GSDMC: variants seen among roughly 807,000 people sequenced by gnomAD.
GSDMC encodes gasdermin C, also known as gasdermin-C.
In GSDMC, 59 loss-of-function variants were observed where a neutral mutation model predicts 58.0. That is an observed-to-expected ratio of 1.02 (90% CI 0.82 to 1.26). The LOEUF (loss-of-function observed/expected upper bound fraction) is 1.26, where lower values mean the gene tolerates loss of function less well. Ranked by LOEUF, GSDMC falls within the 50% of genes most tolerant of loss-of-function variation. The pLI is 0.00. For missense variants in GSDMC, 659 were observed against 598.5 expected (o/e 1.10, Z -1.06); for synonymous variants, 241 against 220.2 (o/e 1.09, Z -0.83).
At chr8:129,729,889 C>T in the GSDMC span, 1 of 1,139,178 alleles carries the variant, frequency 8.8e-7, no homozygotes, top group East Asian at 2.3e-5. Flanking sequence ...CCCCAACCTA[C>T]TGAGATTAAT....
At chr8:129,749,844 C>T (rs2033101613) in intron 12 of GSDMC, 146 bp downstream of exon 12, 1 of 666,862 alleles carries the variant, frequency 1.5e-6, no homozygotes, top group Non-Finnish European at 2.6e-6. Context: ...CACAGTGAGC[C>T]CTCTGACCTT....
intron 9 of GSDMC, 104 bp from the exon 10 acceptor site, chr8:129,751,672 C>T (rs2130344352): frequency 8.5e-7 from 1 of 1,177,204 alleles, no homozygotes; most frequent in Non-Finnish European, 1.3e-6. Flanking sequence ...CCCTCTTACT[C>T]AACTTCTTCC....
At chr8:129,706,828 C>T in the GSDMC span, among the ~76,000 whole-genome samples, 3 of 152,224 alleles carry the variant, frequency 2.0e-5, no homozygotes, top group Admixed American at 2.0e-4. Flanking sequence ...GTATTTCCCC[C>T]ACCATTAATG....
the GSDMC span, among the ~76,000 whole-genome samples, chr8:129,736,458 T>C: frequency 6.6e-6 from 1 of 152,238 alleles, no homozygotes; most frequent in Non-Finnish European, 1.5e-5. Context: ...CTCAGCTTCA[T>C]CCTTGGGATG....
chr8:129,721,547 C>T, the GSDMC span, among the ~76,000 whole-genome samples: 1 of 152,130 alleles, frequency 6.6e-6, no homozygotes, highest in Non-Finnish European at 1.5e-5. Context: ...TGTATTAGCC[C>T]ATGATCTTCT....
intron 1 of GSDMC, among the ~76,000 whole-genome samples, chr8:129,784,473 A>G (rs760962738): frequency 1.3e-5 from 2 of 152,082 alleles, no homozygotes; most frequent in South Asian, 4.1e-4. Context: ...CATACAAATG[A>G]AAAAAAGGCA....
intron 5 of GSDMC, among the ~76,000 whole-genome samples, chr8:129,761,011 A>G (rs878915093): frequency 6.6e-6 from 1 of 152,180 alleles, no homozygotes; most frequent in Admixed American, 6.5e-5. Flanking sequence ...GAAAGAGCCT[A>G]TGAAGAAGAC....
downstream of GSDMC, among the ~76,000 whole-genome samples, chr8:129,744,029 T>A (rs1335524933): frequency 2.0e-5 from 3 of 151,846 alleles, no homozygotes; most frequent in African/African-American, 7.3e-5. Flanking sequence ...AGGTACCCTA[T>A]GTAAGTTACT....
chr8:129,734,220 G>C, the GSDMC span, among the ~76,000 whole-genome samples: 19,416 of 152,106 alleles, frequency 0.13, 2,166 homozygotes, highest in African/African-American at 0.3. Context: ...GAAAGTGATG[G>C]GGAGAATGGA....
At chr8:129,759,060 G>T (rs1444472328) in intron 6 of GSDMC, among the ~76,000 whole-genome samples, 1 of 151,976 alleles carries the variant, frequency 6.6e-6, no homozygotes, top group African/African-American at 2.4e-5. Flanking sequence ...ACAAATCTAT[G>T]TACCTACAGT....
intron 1 of GSDMC, among the ~76,000 whole-genome samples, chr8:129,778,038 T>A (rs1220619444): frequency 3.3e-5 from 5 of 152,168 alleles, no homozygotes; most frequent in Non-Finnish European, 2.9e-5. Flanking sequence ...GGCTCAATAC[T>A]GTCATCAACT....
At chr8:129,726,764 C>T in the GSDMC span, among the ~76,000 whole-genome samples, 1 of 130,092 alleles carries the variant, frequency 7.7e-6, no homozygotes, top group Admixed American at 7.9e-5. Flanking sequence ...AATCCAGTCC[C>T]TCCCCCCACC....
chr8:129,756,319 A>G (rs2033432947), intron 6 of GSDMC, among the ~76,000 whole-genome samples: 1 of 152,108 alleles, frequency 6.6e-6, no homozygotes, highest in East Asian at 1.9e-4. Flanking sequence ...AATGATGGTA[A>G]ATATATATGC....
Position 129,777,484 on chromosome 8 carries a change from T to G in GSDMC, c.104A>C (p.Gln35Pro), listed in dbSNP as rs1175572380. The G allele has an allele frequency of 3.1e-6, 5 of 1,612,706 alleles. No individual in the cohort carries two copies. The highest frequency in any genetic ancestry group is 3.4e-6 in the Non-Finnish European group (4 of 1,178,702). ...CTTCTTCTTTCGTAATATAACAAAC[T>G]GACGTAATTTGGTGGCACTCAATAG... is the stretch of plus-strand genomic sequence containing the variant. The part of the protein sequence containing the change: ...KYLLSATKLR[Q>P]FVILRKKKDS... Residue 35 changes from glutamine (Q) to proline (P), a missense_variant, in exon 2 of 14, where the codon CAG becomes CCG. Transcript: ENST00000276708.
downstream of GSDMC, among the ~76,000 whole-genome samples, chr8:129,746,837 A>C (rs569599228): frequency 4.6e-5 from 7 of 152,354 alleles, no homozygotes; most frequent in African/African-American, 1.4e-4. Context: ...TCAAGAACAA[A>C]GGCAAGAGGC....
At chr8:129,770,276 C>G (rs2034005024) in intron 3 of GSDMC, among the ~76,000 whole-genome samples, 1 of 152,192 alleles carries the variant, frequency 6.6e-6, no homozygotes, top group Non-Finnish European at 1.5e-5. Context: ...AGGCAGACTA[C>G]TTGAGGCCAG....
chr8:129,780,165 G>A (rs1563816256), intron 1 of GSDMC, among the ~76,000 whole-genome samples: 1 of 152,152 alleles, frequency 6.6e-6, no homozygotes, highest in Non-Finnish European at 1.5e-5. Context: ...CCTCAAAAGG[G>A]CAAATCTAGG....
chr8:129,784,958 A>C (rs1019150516), intron 1 of GSDMC, among the ~76,000 whole-genome samples: 10 of 152,212 alleles, frequency 6.6e-5, no homozygotes, highest in Non-Finnish European at 1.0e-4. Context: ...CATGCCTGTA[A>C]TCCCAGCACT....
chr8:129,747,865 A>C (rs2033002888), downstream of GSDMC, among the ~76,000 whole-genome samples: 1 of 152,190 alleles, frequency 6.6e-6, no homozygotes, highest in Non-Finnish European at 1.5e-5. Context: ...TGGCATTAGC[A>C]AATGACACAG....
Sources: gnomAD v4.1 joint callset for allele counts (sites outside exome capture counted in the v4.1 genomes callset) on GRCh38, gnomAD v4.1.1 for gene constraint, MANE v1.5 for transcripts, NCBI Gene and HGNC (gene_info 2026-07-23, HGNC 2026-07-21) for gene names.